Variants in SCAI observed in about 807,000 individuals in gnomAD.
SCAI encodes the protein protein SCAI.
SCAI carries 24 observed loss-of-function variants against 92.2 expected under a neutral mutation model. The ratio of observed to expected loss-of-function variants is 0.26; its 90% CI spans 0.19 to 0.37. The LOEUF (loss-of-function observed/expected upper bound fraction) is 0.37. Among genes scored for constraint, SCAI ranks in the 10% least tolerant of loss-of-function variants. SCAI has a pLI of 1.00. For synonymous variants in SCAI, 261 were observed against 258.6 expected (o/e 1.01, Z -0.09); for missense variants, 450 against 736.2 (o/e 0.61, Z 4.50).
At chr9:125,020,181 G>A (rs1167263787) in intron 7 of SCAI, among the ~76,000 whole-genome samples, 4 of 151,898 alleles carry the variant, frequency 2.6e-5, no homozygotes, top group African/African-American at 9.7e-5. Context: ...AATACAGAAT[G>A]CAATCAGAAT....
chr9:125,064,961 C>T (rs947736968), intron 2 of SCAI, among the ~76,000 whole-genome samples: 1 of 152,016 alleles, frequency 6.6e-6, no homozygotes, highest in Non-Finnish European at 1.5e-5. Flanking sequence ...AACTGATTCA[C>T]AATGAAAATT....
intron 3 of SCAI, among the ~76,000 whole-genome samples, chr9:125,039,276 A>G (rs1289478703): frequency 6.6e-6 from 1 of 151,636 alleles, no homozygotes; most frequent in African/African-American, 2.4e-5. Flanking sequence ...AGTCCCAGCC[A>G]CTCGGGAGGC....
At chr9:125,073,167 C>T (rs1194729797) in intron 2 of SCAI, among the ~76,000 whole-genome samples, 2 of 126,086 alleles carry the variant, frequency 1.6e-5, no homozygotes, top group African/African-American at 3.1e-5. Flanking sequence ...TGCAGTGGCG[C>T]GATCTCGGCT....
chr9:125,130,730 G>A (rs1029366294), intron 2 of SCAI, among the ~76,000 whole-genome samples: 3 of 150,030 alleles, frequency 2.0e-5, no homozygotes, highest in Non-Finnish European at 3.0e-5. Context: ...TGATCTGCCC[G>A]CCTCAGCCTC....
At chr9:124,954,319 C>G (rs117409273) in intron 17 of SCAI, among the ~76,000 whole-genome samples, 45 of 152,246 alleles carry the variant, frequency 3.0e-4, no homozygotes, top group Non-Finnish European at 5.6e-4. Context: ...TTTTCAAGTG[C>G]AGATAAAACC....
At chr9:125,133,141 G>C (rs1343761527) in intron 2 of SCAI, among the ~76,000 whole-genome samples, 1 of 152,152 alleles carries the variant, frequency 6.6e-6, no homozygotes, top group Non-Finnish European at 1.5e-5. Flanking sequence ...TGTAATCCTA[G>C]CACTTTGGGA....
intron 2 of SCAI, among the ~76,000 whole-genome samples, chr9:125,106,836 G>A (rs1834811808): frequency 7.2e-6 from 1 of 139,674 alleles, no homozygotes; most frequent in Non-Finnish European, 1.5e-5. Flanking sequence ...AGCCTCCCAA[G>A]TAGCTAGACA....
chr9:125,072,411 A>G (rs1367318832), intron 2 of SCAI, among the ~76,000 whole-genome samples: 1 of 152,232 alleles, frequency 6.6e-6, no homozygotes, highest in Non-Finnish European at 1.5e-5. Context: ...ATACAAAAAT[A>G]ACAATGAAAC....
At chr9:125,032,922 ATAT>A (rs1833110848) in intron 3 of SCAI, among the ~76,000 whole-genome samples, 1 of 152,142 alleles carries the variant, frequency 6.6e-6, no homozygotes, top group Admixed American at 6.5e-5. Context: ...CAGCCTACTA[ATAT>A]TATTCTATCA....
In SCAI at chr9:125,048,164, G is replaced by C. The variant is rs372025200; in HGVS notation, c.230+7712C>G. ...CAGCTAATTTTGTATTTTTAGTAGA[G>C]ATGGGGTTTCACCATGTTGGTCAGG... On this transcript the variant is annotated intron_variant, in intron 3 of 17. Transcript: ENST00000336505. Among the ~76,000 whole-genome samples, 11 of 152,202 alleles carry C rather than the reference G, an allele frequency of 7.2e-5. No homozygotes were observed. The South Asian group carries it at 2.3e-3, about 32-fold the overall frequency.
At chr9:125,078,780 G>A (rs767344821) in intron 2 of SCAI, among the ~76,000 whole-genome samples, 39 of 152,086 alleles carry the variant, frequency 2.6e-4, no homozygotes, top group Non-Finnish European at 4.6e-4. Context: ...ATGTGGTGGT[G>A]CACACCTGTA....
chr9:124,954,637 A>C (rs1007610071), intron 17 of SCAI, among the ~76,000 whole-genome samples: 1 of 152,206 alleles, frequency 6.6e-6, no homozygotes, highest in Non-Finnish European at 1.5e-5. Context: ...TCACCCATTT[A>C]AAGTATACAA....
chr9:125,131,215 G>A (rs1486425814), intron 2 of SCAI, among the ~76,000 whole-genome samples: 1 of 151,450 alleles, frequency 6.6e-6, no homozygotes, highest in African/African-American at 2.4e-5. Flanking sequence ...ACACCAGCCT[G>A]GCCAACATGG....
intron 2 of SCAI, among the ~76,000 whole-genome samples, chr9:125,122,101 G>A (rs1055091695): frequency 8.5e-5 from 13 of 152,266 alleles, no homozygotes; most frequent in Admixed American, 8.5e-4. Context: ...TGGTAAATAT[G>A]TAAGTGAACT....
rs754331560 is a variant in SCAI, at chr9:125,142,684, A to T, written c.54-7T>A. ...CTCCACTGTGCCAGTCAGTCTGCAG[A>T]CCAAACAAATAAGACGGTAACTAAA... On this transcript the variant is annotated splice_region_variant and splice_polypyrimidine_tract_variant and intron_variant, in intron 1 of 17. Transcript: ENST00000336505. The T allele has an allele frequency of 1.7e-4, 275 of 1,613,144 alleles. 5 individuals carry two copies. In the South Asian group the frequency reaches 3.0e-3, roughly 18 times the overall value.
intron 17 of SCAI, among the ~76,000 whole-genome samples, chr9:124,964,060 T>A (rs1380522910): frequency 6.6e-6 from 1 of 152,188 alleles, no homozygotes; most frequent in African/African-American, 2.4e-5. Flanking sequence ...TGTTTCTATA[T>A]GGCACCAATC....
rs905472179 is a variant in SCAI, at chr9:124,999,878, C to G, written c.1244+13G>C. The G allele has an allele frequency of 7.5e-7, 1 of 1,328,320 alleles. No homozygotes were observed. The highest frequency in any genetic ancestry group is 1.1e-6 in the Non-Finnish European group (1 of 941,218). 82.3% of individuals were successfully genotyped at this position (1,328,320 alleles called of 1,614,324 possible). On this transcript the variant is annotated intron_variant, in intron 13 of 17. Transcript: ENST00000336505. ...ATAATTTTTATAATAAGAGTAGACA[C>G]CAGAATACATACCAGTGCATTTCCT... is the stretch of plus-strand genomic sequence containing the variant.
rs560234703 is a variant in SCAI at position 125,030,913 on chromosome 9, TACA to T, written c.231-1177_231-1175del. The stretch of plus-strand genomic sequence containing the variant: ...TTCAAGAACTTACAAGATTGAAAGA[TACA>T]ACAATTACTAATGCATAACTGTAAA... On this transcript the variant is annotated intron_variant, in intron 3 of 17. Coordinates refer to ENST00000336505, the MANE Select transcript of SCAI (RefSeq NM_001144877.3). 1.3e-3 allele frequency among the ~76,000 whole-genome samples: 195 copies of T among 152,324 alleles called. 2 individuals carry two copies. Among genetic ancestry groups the T allele is most frequent in the African/African-American group, 4.3e-3 (179 of 41,570 alleles).
At chr9:125,120,620 G>C (rs1028869645) in intron 2 of SCAI, among the ~76,000 whole-genome samples, 4 of 152,196 alleles carry the variant, frequency 2.6e-5, no homozygotes, top group African/African-American at 9.7e-5. Context: ...TTGAACCCAG[G>C]AGGCAGAGGT....
Sources: allele counts gnomAD v4.1 joint callset (sites outside exome capture counted in the v4.1 genomes callset), GRCh38; gene constraint gnomAD v4.1.1; transcripts MANE v1.5; gene names NCBI Gene and HGNC (gene_info 2026-07-23, HGNC 2026-07-21).